The following CHSY3 variants were observed in gnomAD, a reference collection of about 807,000 sequenced individuals.
The protein encoded by CHSY3 is N-acetylgalactosaminyl-proteoglycan 3-beta-glucuronosyltransferase 3.
Under a neutral mutation model 67.2 loss-of-function variants are expected in CHSY3, and 35 were observed. The ratio of observed to expected loss-of-function variants is 0.52; its 90% CI spans 0.40 to 0.69. The LOEUF is 0.69. Ranked by LOEUF, CHSY3 falls within the 30% of genes least tolerant of loss-of-function variation. CHSY3 has a pLI of 0.00. For synonymous variants in CHSY3, 474 were observed against 434.7 expected, an observed-to-expected ratio of 1.09 and a Z score of -1.12; for missense variants, 1,069 against 1,138.5, an observed-to-expected ratio of 0.94 and a Z score of 0.88.
intron 2 of CHSY3, among the ~76,000 whole-genome samples, chr5:130,064,146 G>A (rs1457492870): frequency 1.3e-5 from 2 of 152,032 alleles, no homozygotes; most frequent in Non-Finnish European, 2.9e-5. Context: ...TTGCTATTTG[G>A]GCTGGAGACA....
intron 2 of CHSY3, among the ~76,000 whole-genome samples, chr5:129,927,959 T>C (rs1381800102): frequency 1.3e-5 from 2 of 152,086 alleles, no homozygotes; most frequent in Non-Finnish European, 2.9e-5. Context: ...TCAAGAATGA[T>C]AATTTTATGT....
intron 2 of CHSY3, among the ~76,000 whole-genome samples, chr5:129,972,046 A>C (rs1393769177): frequency 6.6e-6 from 1 of 152,092 alleles, no homozygotes; most frequent in Non-Finnish European, 1.5e-5. Flanking sequence ...CCAACAATGC[A>C]CTAAATCATT....
intron 2 of CHSY3, among the ~76,000 whole-genome samples, chr5:130,030,589 G>A (rs1764677617): frequency 6.6e-6 from 1 of 152,074 alleles, no homozygotes; most frequent in South Asian, 2.1e-4. Flanking sequence ...AAAATAACTT[G>A]TTAATTCAAT....
chr5:129,912,126 A>C (rs940518359), intron 2 of CHSY3, among the ~76,000 whole-genome samples: 5 of 152,150 alleles, frequency 3.3e-5, no homozygotes, highest in Non-Finnish European at 7.4e-5. Context: ...AATGCATTAC[A>C]AATATCTGTT....
At chr5:130,176,419 T>A (rs371512487) in intron 2 of CHSY3, among the ~76,000 whole-genome samples, 47 of 152,298 alleles carry the variant, frequency 3.1e-4, no homozygotes, top group East Asian at 2.3e-3. Flanking sequence ...GTAAATTAGT[T>A]CAACCATTGT....
intron 2 of CHSY3, among the ~76,000 whole-genome samples, chr5:129,985,355 G>T (rs1483989055): frequency 6.6e-6 from 1 of 152,010 alleles, no homozygotes; most frequent in South Asian, 2.1e-4. Flanking sequence ...TTTATTTCTG[G>T]GTTCTCTAAC....
In CHSY3 at chr5:130,185,035, T is replaced by C; in HGVS notation, c.1893T>C (p.Tyr631=). 6.3e-7 allele frequency: 1 copy of C among 1,591,448 alleles called. No individual in the cohort carries two copies. The change falls in exon 3 of 3, where the codon TAT becomes TAC. Residue 631 remains tyrosine (Y), a synonymous_variant. Coordinates refer to ENST00000305031, the MANE Select transcript of CHSY3 (RefSeq NM_175856.5). ...VHILVPLIGR[Y]DIFLRFMENF... is the part of the protein sequence containing the mutation. ...TTCTCGTTCCTCTCATCGGAAGGTA[T>C]GACATTTTCTTGAGATTCATGGAGA...
intron 2 of CHSY3, among the ~76,000 whole-genome samples, chr5:130,133,771 T>TAAAAAAAAAAAAAAAAA (rs758023976): frequency 1.2e-4 from 7 of 58,106 alleles, no homozygotes; most frequent in African/African-American, 2.3e-4. Context: ...GACTCCGTCT[T>TAAAAAAAAAAAAAAAAA]AAAAAAAAAA....
intron 2 of CHSY3, among the ~76,000 whole-genome samples, chr5:130,137,755 T>C (rs1278356720): frequency 6.6e-6 from 1 of 152,160 alleles, no homozygotes; most frequent in East Asian, 1.9e-4. Flanking sequence ...AGGACAAACA[T>C]GATGATCAAG....
rs1159939608 is a variant in CHSY3, at chr5:129,980,721, A to G, written c.1086+72361A>G. Among the ~76,000 whole-genome samples the G allele has an allele frequency of 3.9e-5, 6 of 152,136 alleles. No individual in the cohort carries two copies. The East Asian group carries it at 9.6e-4, about 24-fold the overall frequency. On this transcript the variant is annotated intron_variant, in intron 2 of 2. Coordinates refer to ENST00000305031, the MANE Select transcript of CHSY3 (RefSeq NM_175856.5). ...CCCAAGGTCTTCTAGGTTTTCTCCT[A>G]TGTTACCATTTGGGAGTTTTGGAGT... is the stretch of plus-strand genomic sequence containing the variant.
intron 2 of CHSY3, among the ~76,000 whole-genome samples, chr5:129,977,867 GT>G (rs1344615939): frequency 9.3e-5 from 9 of 96,782 alleles, no homozygotes; most frequent in Non-Finnish European, 1.7e-4. Context: ...AATATAAGAA[GT>G]AAAAAAAAAA....
rs564004618 is a variant in CHSY3 at position 129,920,957 on chromosome 5, T to G, written c.1086+12597T>G. ...CTTCAGCCTCCTGAGCAGCTGAGAC[T>G]GCAGGCATGCACCGCCATGCCCATC... On this transcript the variant is annotated intron_variant, in intron 2 of 2. Transcript: ENST00000305031. Among the ~76,000 whole-genome samples, 5 of 152,300 alleles carry G rather than the reference T, an allele frequency of 3.3e-5. No individual in the cohort carries two copies. The East Asian group carries it at 9.7e-4, about 29-fold the overall frequency.
At chr5:129,990,025 A>C (rs1763314389) in intron 2 of CHSY3, among the ~76,000 whole-genome samples, 1 of 152,152 alleles carries the variant, frequency 6.6e-6, no homozygotes, top group South Asian at 2.1e-4. Flanking sequence ...CCCTGATCTA[A>C]AATATTGCTT....
chr5:129,937,243 G>A (rs2149592158), intron 2 of CHSY3, among the ~76,000 whole-genome samples: 1 of 152,302 alleles, frequency 6.6e-6, no homozygotes, highest in Admixed American at 6.5e-5. Flanking sequence ...TATGGTGGAA[G>A]GTGAAGGGGA....
chr5:129,924,564 T>C (rs1761033537), intron 2 of CHSY3, among the ~76,000 whole-genome samples: 1 of 151,514 alleles, frequency 6.6e-6, no homozygotes, highest in Admixed American at 6.6e-5. Context: ...AAGAATTGCT[T>C]GAACCTGGGA....
intron 2 of CHSY3, among the ~76,000 whole-genome samples, chr5:130,181,960 A>G (rs970060259): frequency 2.7e-5 from 4 of 150,844 alleles, no homozygotes; most frequent in African/African-American, 7.3e-5. Flanking sequence ...TAATGCAGCT[A>G]CGAAAATTAT....
intron 2 of CHSY3, among the ~76,000 whole-genome samples, chr5:129,955,988 G>A (rs993758536): frequency 6.6e-6 from 1 of 152,090 alleles, no homozygotes; most frequent in Non-Finnish European, 1.5e-5. Flanking sequence ...CATAAGCAGT[G>A]AACCTACACA....
intron 2 of CHSY3, among the ~76,000 whole-genome samples, chr5:130,178,202 TATATATATATGTATATA>T (rs2149735918): frequency 1.4e-5 from 1 of 73,874 alleles, no homozygotes; most frequent in South Asian, 4.4e-4. Flanking sequence ...TATATATATT[TATATATATATGTATATA>T]TTTATATTTA....
chr5:130,078,448 T>C (rs929004399), intron 2 of CHSY3, among the ~76,000 whole-genome samples: 1 of 152,146 alleles, frequency 6.6e-6, no homozygotes. Flanking sequence ...CTTGCTAATA[T>C]GATCACTCTA....
Sources: gnomAD v4.1 joint callset for allele counts (sites outside exome capture counted in the v4.1 genomes callset) on GRCh38, gnomAD v4.1.1 for gene constraint, MANE v1.5 for transcripts, NCBI Gene and HGNC (gene_info 2026-07-23, HGNC 2026-07-21) for gene names.